The following ZNF777 variants were observed in gnomAD, a reference collection of about 807,000 sequenced individuals.
ZNF777 encodes zinc finger protein 777.
Under a neutral mutation model 72.1 loss-of-function variants are expected in ZNF777, and 7 were observed. That is an observed-to-expected ratio of 0.10 (90% confidence interval 0.06 to 0.18). ZNF777 has a LOEUF of 0.18. ZNF777 is among the 10% of genes least tolerant of loss of function. The pLI is 1.00. For synonymous variants in ZNF777, 545 were observed against 483.5 expected, an observed-to-expected ratio of 1.13 and a Z score of -1.67; for missense variants, 828 against 1,128.6, an observed-to-expected ratio of 0.73 and a Z score of 3.82.
At chr7:149,457,306 G>T (rs377766343) in intron 1 of ZNF777, among the ~76,000 whole-genome samples, 1 of 152,168 alleles carries the variant, frequency 6.6e-6, no homozygotes, top group Non-Finnish European at 1.5e-5. Flanking sequence ...AATTTCTCCT[G>T]TAACAATTTC....
chr7:149,453,659 C>T (rs564603332), intron 3 of ZNF777, among the ~76,000 whole-genome samples: 2 of 152,170 alleles, frequency 1.3e-5, no homozygotes, highest in Non-Finnish European at 2.9e-5. Context: ...TCTTAGCCTC[C>T]GCAACATCTT....
Position 149,431,614 on chromosome 7 carries a change from A to T in ZNF777, c.*162T>A, listed in dbSNP as rs1294163378. On this transcript the variant is annotated 3_prime_UTR_variant, in exon 6 of 6. Coordinates refer to ENST00000247930, the MANE Select transcript of ZNF777 (RefSeq NM_015694.3). ...ACGCGGCAGCAAGGGACCTGGTCTC[A>T]CTGCCCCCATGTCCTTGGGAGGAGG... 4.0e-6 allele frequency: 3 copies of T among 753,800 alleles called. No homozygotes were observed. The highest frequency in any genetic ancestry group is 2.7e-5 in the Admixed American group (1 of 36,986). 46.7% of individuals were successfully genotyped at this position (753,800 alleles called of 1,614,324 possible).
intron 3 of ZNF777, among the ~76,000 whole-genome samples, 197 bp downstream of exon 3, chr7:149,453,914 A>G (rs1384480625): frequency 6.6e-6 from 1 of 152,196 alleles, no homozygotes; most frequent in Non-Finnish European, 1.5e-5. Flanking sequence ...GTCTCAATTT[A>G]CAAGCCATTC....
Position 149,432,477 on chromosome 7 carries a change from G to T in ZNF777, c.1795C>A (p.Arg599Ser), listed in dbSNP as rs746082990. ...LTLHQRIHRVRGGCVSPERGP... is the reference protein window; with the variant it reads ...LTLHQRIHRVSGGCVSPERGP... ...CGTTCGGGTGAGACGCAGCCTCCGC[G>T]CACGCGGTGGATGCGCTGGTGCAGC... The change falls in exon 6 of 6, where the codon CGC becomes AGC. Residue 599 changes from arginine (R) to serine (S), a missense_variant. Arg to Ser is a moderately radical substitution (Grantham distance 110, BLOSUM62 -1). Coordinates refer to ENST00000247930, the MANE Select transcript of ZNF777 (RefSeq NM_015694.3). 5.6e-6 allele frequency: 9 copies of T among 1,613,572 alleles called. No homozygotes were observed. Among genetic ancestry groups the T allele is most frequent in the Non-Finnish European group, 7.6e-6 (9 of 1,179,880 alleles).
intron 1 of ZNF777, chr7:149,459,909 TC>T: frequency 1.0e-6 from 1 of 963,210 alleles, no homozygotes; most frequent in Non-Finnish European, 1.2e-6. Flanking sequence ...GAGAGCAGCC[TC>T]CCTCGCACGG....
intron 5 of ZNF777, among the ~76,000 whole-genome samples, chr7:149,433,384 T>C (rs964011994): frequency 2.0e-5 from 3 of 152,158 alleles, no homozygotes; most frequent in Non-Finnish European, 4.4e-5. Context: ...CACCCCTTTT[T>C]CCATTAGGCT....
chr7:149,441,006 C>T (rs1246666790), intron 4 of ZNF777, among the ~76,000 whole-genome samples: 2 of 152,182 alleles, frequency 1.3e-5, no homozygotes, highest in Non-Finnish European at 2.9e-5. Flanking sequence ...CATTCGCCTG[C>T]TCCTCTTTGT....
intron 2 of ZNF777, 98 bp from the exon 3 acceptor site, chr7:149,454,335 C>A: frequency 6.7e-7 from 1 of 1,491,956 alleles, no homozygotes; most frequent in South Asian, 1.2e-5. Flanking sequence ...TCTGGGCCTT[C>A]ACCTAGGACT....
At chr7:149,443,160 TTAAA>T (rs1799552478) in intron 4 of ZNF777, among the ~76,000 whole-genome samples, 1 of 152,162 alleles carries the variant, frequency 6.6e-6, no homozygotes. Flanking sequence ...GGCAGAGTAT[TTAAA>T]TAAATTATGA....
Position 149,455,658 on chromosome 7 carries a change from G to C in ZNF777, c.365C>G (p.Pro122Arg), listed in dbSNP as rs762676361. The change falls in exon 2 of 6, where the codon CCC becomes CGC. Residue 122 changes from proline (P) to arginine (R), a missense_variant. Transcript: ENST00000247930. This position sits in a 1 kb window ranked among gnomAD's most constrained non-coding sequence, Gnocchi z 4.2. ...GTGAACGGGGGCTTCCTGGTGGTGGGGGGAGTGGGAGAGAAGGGAGACTTC... is the reference window on the plus strand; with the variant it reads ...GTGAACGGGGGCTTCCTGGTGGTGGCGGGAGTGGGAGAGAAGGGAGACTTC... The part of the protein sequence containing the change: ...EQEVSLLSHS[P>R]HHQEAPVHSP... 6.4e-7 allele frequency: 1 copy of C among 1,568,164 alleles called. No homozygotes were observed. The highest frequency in any genetic ancestry group is 1.7e-4 in the Middle Eastern group (1 of 5,810).
At position 149,450,045 on chromosome 7, in the gene ZNF777, C is replaced by A. The variant is rs887728641; in HGVS notation, c.1087+954G>T. Among the ~76,000 whole-genome samples, 6 of 152,134 alleles carry A rather than the reference C, an allele frequency of 3.9e-5. No homozygotes were observed. In the East Asian group the frequency reaches 7.7e-4, roughly 20 times the overall value. On this transcript the variant is annotated intron_variant, in intron 4 of 5. Coordinates refer to ENST00000247930, the MANE Select transcript of ZNF777 (RefSeq NM_015694.3). ...TTCCTAACAAGACCTGGCTGTTGGC[C>A]CCAAACAGAGTTCTCCAGGTGGATC...
chr7:149,449,342 C>T (rs1193852024), intron 4 of ZNF777, among the ~76,000 whole-genome samples: 1 of 152,244 alleles, frequency 6.6e-6, no homozygotes, highest in Admixed American at 6.5e-5. Flanking sequence ...TGTGGATGTG[C>T]ATGTGTCAGA....
At chr7:149,458,502 G>GAAACAAAACAAAACAAAACAAAACA (rs59457062) in intron 1 of ZNF777, among the ~76,000 whole-genome samples, 5 of 149,242 alleles carry the variant, frequency 3.4e-5, no homozygotes, top group Admixed American at 6.7e-5. Context: ...CTGAAACAAT[G>GAAACAAAACAAAACAAAACAAAACA]AAACAAAACA....
Position 149,432,846 on chromosome 7 carries a change from C to G in ZNF777, c.1426G>C (p.Gly476Arg), listed in dbSNP as rs776597849. Residue 476 changes from glycine to arginine, a missense_variant, in exon 6 of 6, where the codon GGG (glycine) becomes CGG (arginine). Physicochemically the swap from Gly to Arg is moderately radical, Grantham distance 125. Coordinates refer to ENST00000247930, the MANE Select transcript of ZNF777 (RefSeq NM_015694.3). ...GCCTCATATCTCCCGGACAGCTGCCCAAGGGATTGCAAGTGCTGCGGCAGC... is the reference window on the plus strand; with the variant it reads ...GCCTCATATCTCCCGGACAGCTGCCGAAGGGATTGCAAGTGCTGCGGCAGC... ...DELPQHLQSL[G>R]QLSGRYEASM... The G allele has an allele frequency of 6.3e-7, 1 of 1,581,388 alleles. No individual in the cohort carries two copies. Among genetic ancestry groups the G allele is most frequent in the Admixed American group, 1.8e-5 (1 of 55,728 alleles).
intron 4 of ZNF777, among the ~76,000 whole-genome samples, chr7:149,449,692 T>C (rs4727069): frequency 0.57 from 87,002 of 151,948 alleles, 25,109 homozygotes; most frequent in East Asian, 0.81. Context: ...ACCTTTAAGG[T>C]TCAGACTGAT....
rs1253330257 is a variant in ZNF777, at chr7:149,432,277, C to T, written c.1995G>A (p.Thr665=). The change falls in exon 6 of 6, where the codon ACG becomes ACA. Residue 665 remains threonine, a synonymous_variant. Coordinates refer to ENST00000247930, the MANE Select transcript of ZNF777 (RefSeq NM_015694.3). ...QITHTGERPY[T]CPECKKSFRL... ...GGAAGCTCTTCTTGCACTCGGGGCA[C>T]GTGTAGGGCCGCTCACCCGTGTGCG... is the stretch of plus-strand genomic sequence containing the variant. The T allele has an allele frequency of 6.3e-7, 1 of 1,582,454 alleles. No homozygotes were observed. The highest frequency in any genetic ancestry group is 8.6e-7 in the Non-Finnish European group (1 of 1,169,264).
Position 149,455,945 on chromosome 7 carries a change from T to C in ZNF777, c.78A>G (p.Gly26=), listed in dbSNP as rs774592147. Residue 26 remains glycine (G), a synonymous_variant, in exon 2 of 6, where the codon GGA becomes GGG. Coordinates refer to ENST00000247930, the MANE Select transcript of ZNF777 (RefSeq NM_015694.3). This position sits in a 1 kb window ranked among gnomAD's most constrained non-coding sequence, Gnocchi z 4.2. ...ATTGGAACAGAGTTTCTCGGGGGAG[T>C]CCAGCAGGGGCCTGACGTAAGGTTT... ...QEETLRQAPA[G]LPRETLFQSR... is the part of the protein sequence containing the mutation. 2 of 1,610,420 alleles carry C rather than the reference T, an allele frequency of 1.2e-6. No homozygotes were observed. The highest frequency in any genetic ancestry group is 1.7e-6 in the Non-Finnish European group (2 of 1,178,528).
At chr7:149,449,186 C>T (rs1799670197) in intron 4 of ZNF777, among the ~76,000 whole-genome samples, 1 of 152,210 alleles carries the variant, frequency 6.6e-6, no homozygotes, top group South Asian at 2.1e-4. Flanking sequence ...GAGTGTGCGG[C>T]CCACTCTGAG....
Position 149,432,189 on chromosome 7 carries a change from TGAA to T in ZNF777, c.2080_2082del (p.Phe694del), listed in dbSNP as rs755904384. 3.1e-6 allele frequency: 5 copies of T among 1,605,092 alleles called. No homozygotes were observed. The highest frequency in any genetic ancestry group is 1.1e-5 in the South Asian group (1 of 91,054). Reference sequence around the variant, plus strand: ...AAGCTCTTGCCGCACAGGCTGCAGATGAAGGAGACCTCATGCTTGCCCGCGTGC... The same window carrying T: ...AAGCTCTTGCCGCACAGGCTGCAGATGGAGACCTCATGCTTGCCCGCGTGC... On this transcript the variant is annotated inframe_deletion, in exon 6 of 6. Transcript: ENST00000247930.
Sources: gnomAD v4.1 joint callset for allele counts (sites outside exome capture counted in the v4.1 genomes callset) on GRCh38, gnomAD v4.1.1 for gene constraint, Gnocchi (gnomAD v3.1) non-coding constraint, MANE v1.5 for transcripts, NCBI Gene and HGNC (gene_info 2026-07-23, HGNC 2026-07-21) for gene names.